Variants in DPP10 observed in about 807,000 individuals in gnomAD.
DPP10 encodes the protein dipeptidyl peptidase like 10.
In DPP10, 33 loss-of-function variants were observed where a neutral mutation model predicts 120.9. The ratio of observed to expected loss-of-function variants is 0.27; its 90% CI spans 0.21 to 0.37. The LOEUF (loss-of-function observed/expected upper bound fraction) is 0.37, where lower values mean the gene tolerates loss of function less well. Among genes scored for constraint, DPP10 ranks in the 10% least tolerant of loss-of-function variants. The pLI is 1.00. For synonymous variants in DPP10, 337 were observed against 326.1 expected (o/e 1.03, Z -0.36); for missense variants, 816 against 942.8 (o/e 0.87, Z 1.76).
chr2:115,602,139 T>C (rs952019393), intron 5 of DPP10, among the ~76,000 whole-genome samples: 1 of 152,168 alleles, frequency 6.6e-6, no homozygotes, highest in African/African-American at 2.4e-5. Context: ...AACTTAACAG[T>C]CTCTAAGTAA....
chr2:115,003,548 C>T (rs1424218824), intron 1 of DPP10, among the ~76,000 whole-genome samples: 1 of 151,236 alleles, frequency 6.6e-6, no homozygotes. Flanking sequence ...AAAAAACAAA[C>T]AGAAAAGAAG....
At chr2:114,656,793 G>A (rs775920714) in intron 1 of DPP10, among the ~76,000 whole-genome samples, 7 of 152,154 alleles carry the variant, frequency 4.6e-5, no homozygotes, top group Non-Finnish European at 1.0e-4. Flanking sequence ...AGGCACATGA[G>A]CCTCTCAGGA....
chr2:115,570,442 A>T (rs778855491), intron 5 of DPP10, among the ~76,000 whole-genome samples: 2 of 152,182 alleles, frequency 1.3e-5, no homozygotes, highest in Non-Finnish European at 2.9e-5. Flanking sequence ...TTAAGGGTAA[A>T]ATATATGGTT....
rs957307364 is a variant in DPP10, at chr2:115,661,612, T to G, written c.442-28075T>G. On this transcript the variant is annotated intron_variant, in intron 5 of 25. Transcript: ENST00000410059. ...TAGAAGTTATTGTTTCAACAGCCAG[T>G]TTCATGGTGTGGTTTCAGCCAACAT... 1.2e-4 allele frequency among the ~76,000 whole-genome samples: 18 copies of G among 152,200 alleles called. No individual in the cohort carries two copies. The South Asian group carries it at 1.2e-3, about 11-fold the overall frequency.
At chr2:114,456,677 G>T (rs992225473) in intron 1 of DPP10, among the ~76,000 whole-genome samples, 1 of 152,124 alleles carries the variant, frequency 6.6e-6, no homozygotes, top group African/African-American at 2.4e-5. Flanking sequence ...AACACATTTT[G>T]GAAAGGCAAC....
intron 19 of DPP10, among the ~76,000 whole-genome samples, chr2:115,808,930 C>G (rs757010302): frequency 8.5e-5 from 13 of 152,212 alleles, no homozygotes; most frequent in Non-Finnish European, 1.3e-4. Flanking sequence ...CATGAACAAC[C>G]TTGATCGAAT....
At chr2:115,111,846 TAATGAA>T (rs1268410797) in intron 1 of DPP10, among the ~76,000 whole-genome samples, 2 of 152,236 alleles carry the variant, frequency 1.3e-5, no homozygotes, top group Non-Finnish European at 2.9e-5. Flanking sequence ...ACTGGTAAGT[TAATGAA>T]AAGTAGAAAT....
At chr2:115,634,980 A>G (rs1476018586) in intron 5 of DPP10, among the ~76,000 whole-genome samples, 4 of 152,184 alleles carry the variant, frequency 2.6e-5, no homozygotes, top group Non-Finnish European at 5.9e-5. Flanking sequence ...CAGCCTAAAG[A>G]GGCAATCTGG....
intron 11 of DPP10, among the ~76,000 whole-genome samples, chr2:115,760,646 G>T (rs1679999356): frequency 6.6e-6 from 1 of 152,210 alleles, no homozygotes. Context: ...AAATGAGATA[G>T]TTAAATCAAC....
chr2:114,815,458 G>A (rs1228767494), intron 1 of DPP10, among the ~76,000 whole-genome samples: 3 of 152,158 alleles, frequency 2.0e-5, no homozygotes, highest in African/African-American at 7.2e-5. Context: ...TGTCTGCATT[G>A]AGGGTATATT....
Position 115,049,424 on chromosome 2 carries a change from A to G in DPP10, c.61-259815A>G, listed in dbSNP as rs144791976. On this transcript the variant is annotated intron_variant, in intron 1 of 25. Transcript: ENST00000410059. ...CAGTTTCTGTTTTACTACCAAAACG[A>G]TCTACTTTATAGCCTTTCATTTCTT... is the stretch of plus-strand genomic sequence containing the variant. Among the ~76,000 whole-genome samples the G allele has an allele frequency of 2.9e-3, 434 of 152,230 alleles. 3 individuals carry two copies. Among genetic ancestry groups the G allele is most frequent in the African/African-American group, 9.9e-3 (410 of 41,564 alleles).
At chr2:115,287,418 G>A (rs1026307740) in intron 1 of DPP10, among the ~76,000 whole-genome samples, 4 of 152,108 alleles carry the variant, frequency 2.6e-5, no homozygotes, top group African/African-American at 7.2e-5. Flanking sequence ...GTATTCAATA[G>A]GTAATTTTTC....
chr2:114,722,882 A>G (rs1362845644), intron 1 of DPP10, among the ~76,000 whole-genome samples: 2 of 151,666 alleles, frequency 1.3e-5, no homozygotes, highest in African/African-American at 4.8e-5. Flanking sequence ...AAGTACACAG[A>G]TTAACAAGAC....
intron 1 of DPP10, among the ~76,000 whole-genome samples, chr2:114,786,323 A>G (rs1018926052): frequency 5.9e-5 from 9 of 152,224 alleles, no homozygotes; most frequent in Admixed American, 6.5e-5. Flanking sequence ...AGAAGGACAC[A>G]TATTCTCAAG....
At chr2:115,719,048 A>C (rs1337159735) in intron 7 of DPP10, among the ~76,000 whole-genome samples, 1 of 152,200 alleles carries the variant, frequency 6.6e-6, no homozygotes, top group African/African-American at 2.4e-5. Context: ...TCAATTACCA[A>C]AATGATTTAT....
intron 5 of DPP10, among the ~76,000 whole-genome samples, chr2:115,589,154 T>A (rs553598704): frequency 6.6e-6 from 1 of 152,340 alleles, no homozygotes. Context: ...ACACTTAAGA[T>A]AAAGCATTTA....
intron 3 of DPP10, among the ~76,000 whole-genome samples, chr2:115,375,375 C>A (rs551035183): frequency 1.3e-5 from 2 of 152,184 alleles, no homozygotes; most frequent in Non-Finnish European, 2.9e-5. Flanking sequence ...TTCCTCATTT[C>A]CACCTGAGAT....
intron 1 of DPP10, among the ~76,000 whole-genome samples, chr2:114,990,144 T>C (rs900576473): frequency 5.9e-5 from 9 of 152,174 alleles, no homozygotes; most frequent in Admixed American, 3.3e-4. Context: ...AGCTAATTAA[T>C]GGTTTTGCAC....
At chr2:115,139,963 C>A (rs2050840146) in intron 1 of DPP10, among the ~76,000 whole-genome samples, 1 of 152,058 alleles carries the variant, frequency 6.6e-6, no homozygotes, top group African/African-American at 2.4e-5. Flanking sequence ...ATGACAGACA[C>A]ATGTTCATTC....
Sources: allele counts gnomAD v4.1 joint callset (sites outside exome capture counted in the v4.1 genomes callset), GRCh38; gene constraint gnomAD v4.1.1; transcripts MANE v1.5; gene names NCBI Gene and HGNC (gene_info 2026-07-23, HGNC 2026-07-21).